Variants in SHISA9 observed in about 807,000 individuals in gnomAD.
SHISA9 encodes the protein shisa family member 9.
SHISA9 carries 13 observed loss-of-function variants against 38.0 expected under a neutral mutation model. The ratio of observed to expected loss-of-function variants is 0.34; its 90% CI spans 0.22 to 0.54. The LOEUF (loss-of-function observed/expected upper bound fraction) is 0.54. Ranked by LOEUF, SHISA9 falls within the 20% of genes least tolerant of loss-of-function variation. SHISA9 has a pLI of 0.91. For missense variants in SHISA9, 538 were observed against 575.8 expected, an observed-to-expected ratio of 0.93 and a Z score of 0.67; for synonymous variants, 275 against 242.0, an observed-to-expected ratio of 1.14 and a Z score of -1.27.
chr16:12,967,422 G>A (rs2071994484), intron 2 of SHISA9, among the ~76,000 whole-genome samples: 1 of 152,064 alleles, frequency 6.6e-6, no homozygotes, highest in Non-Finnish European at 1.5e-5. Flanking sequence ...GGTTGGGGGA[G>A]CGGGGAGGGA....
At chr16:13,539,459 C>A in the SHISA9 span, among the ~76,000 whole-genome samples, 1 of 150,904 alleles carries the variant, frequency 6.6e-6, no homozygotes, top group East Asian at 2.0e-4. Flanking sequence ...TTACAGGTGT[C>A]AACCACTATG....
chr16:12,936,109 C>T (rs151091521), intron 2 of SHISA9, among the ~76,000 whole-genome samples: 155 of 152,172 alleles, frequency 1.0e-3, no homozygotes, highest in South Asian at 3.5e-3. Context: ...GTAGATGCAT[C>T]GTCTGATGTC....
rs1040872914 is a variant in SHISA9, at chr16:13,236,035, T to C, written c.*626T>C. The C allele has an allele frequency of 1.3e-5, 2 of 152,194 alleles. No homozygotes were observed. The highest frequency in any genetic ancestry group is 1.3e-4 in the Admixed American group (2 of 15,260). The allele number at this position is 152,194 out of a possible 1,614,324, so 9.4% of individuals were successfully genotyped here. A position where few individuals can be genotyped will look rare whatever the true frequency, so the allele number is the denominator to read the frequency against. The stretch of plus-strand genomic sequence containing the variant: ...TGGACCCCAACCATTCTATTTATAG[T>C]ACTTTTCATATCATCCATGTTGAAA... On this transcript the variant is annotated 3_prime_UTR_variant, in exon 5 of 5. Coordinates refer to ENST00000558583, the MANE Select transcript of SHISA9 (RefSeq NM_001145204.3).
At chr16:12,965,639 A>G (rs897023819) in intron 2 of SHISA9, among the ~76,000 whole-genome samples, 2 of 152,326 alleles carry the variant, frequency 1.3e-5, no homozygotes, top group East Asian at 1.9e-4. Flanking sequence ...GAGACAATAT[A>G]GAATGGAGTG....
At chr16:13,282,319 T>A in the SHISA9 span, among the ~76,000 whole-genome samples, 1 of 152,012 alleles carries the variant, frequency 6.6e-6, no homozygotes, top group Non-Finnish European at 1.5e-5. Flanking sequence ...ATTCAAGATT[T>A]TTTTGTTATT....
the SHISA9 span, among the ~76,000 whole-genome samples, chr16:13,537,007 C>G: frequency 6.6e-6 from 1 of 152,142 alleles, no homozygotes; most frequent in Non-Finnish European, 1.5e-5. Context: ...TTGAGTCAAG[C>G]TTAACATGTT....
chr16:13,472,920 G>T, the SHISA9 span, among the ~76,000 whole-genome samples: 1 of 152,042 alleles, frequency 6.6e-6, no homozygotes, highest in Non-Finnish European at 1.5e-5. Context: ...TTATAATAAC[G>T]ATTTTAATGT....
intron 2 of SHISA9, among the ~76,000 whole-genome samples, chr16:12,938,381 A>G (rs988833187): frequency 6.6e-6 from 1 of 152,208 alleles, no homozygotes; most frequent in African/African-American, 2.4e-5. Flanking sequence ...TCAGCTCCTT[A>G]TAATCGATCT....
chr16:13,031,139 A>G (rs2141877247), intron 2 of SHISA9, among the ~76,000 whole-genome samples: 1 of 152,100 alleles, frequency 6.6e-6, no homozygotes, highest in East Asian at 1.9e-4. Flanking sequence ...CATGGGTCTT[A>G]CTCTAGGTAT....
chr16:13,204,134 TTATCTATCTATC>T (rs60916250), intron 3 of SHISA9, among the ~76,000 whole-genome samples: 36,437 of 149,248 alleles, frequency 0.24, 4,617 homozygotes, highest in Middle Eastern at 0.36. Flanking sequence ...TAACTACCTA[TTATCTATCTATC>T]TATCTATCTA....
chr16:13,299,710 C>CAA, the SHISA9 span, among the ~76,000 whole-genome samples: 3,016 of 118,236 alleles, frequency 0.026, 60 homozygotes, highest in Middle Eastern at 0.048. Context: ...GAGCCTCTGT[C>CAA]AAAAAAAAAA....
intron 2 of SHISA9, among the ~76,000 whole-genome samples, chr16:13,128,598 C>T (rs1242203302): frequency 6.6e-6 from 1 of 152,142 alleles, no homozygotes. Context: ...TGCCAGACAG[C>T]TGGAAAGAAT....
At chr16:13,126,668 GGA>G (rs375707435) in intron 2 of SHISA9, among the ~76,000 whole-genome samples, 5 of 147,138 alleles carry the variant, frequency 3.4e-5, no homozygotes, top group South Asian at 2.2e-4. Context: ...ACTGAGGAAG[GGA>G]GAGAGAGAGA....
chr16:13,371,665 C>T, the SHISA9 span, among the ~76,000 whole-genome samples: 1 of 152,204 alleles, frequency 6.6e-6, no homozygotes, highest in African/African-American at 2.4e-5. Context: ...TGATGAAGAA[C>T]CTTCCCCTCA....
the SHISA9 span, among the ~76,000 whole-genome samples, chr16:13,474,533 C>T: frequency 6.6e-6 from 1 of 152,188 alleles, no homozygotes; most frequent in Non-Finnish European, 1.5e-5. Flanking sequence ...TAGAACTGTT[C>T]TAGGTACTGT....
intron 2 of SHISA9, among the ~76,000 whole-genome samples, chr16:13,028,809 A>G (rs1240969196): frequency 6.6e-6 from 1 of 152,210 alleles, no homozygotes; most frequent in Non-Finnish European, 1.5e-5. Context: ...CCTTGAATCA[A>G]TCACTGTGTC....
the SHISA9 span, chr16:13,350,607 G>A: frequency 1.3e-5 from 2 of 152,202 alleles, no homozygotes; most frequent in Non-Finnish European, 2.9e-5. Context: ...GCCACGCTTG[G>A]GATCTTCAGG....
At chr16:13,085,311 G>A (rs1048503571) in intron 2 of SHISA9, among the ~76,000 whole-genome samples, 3 of 151,948 alleles carry the variant, frequency 2.0e-5, no homozygotes, top group Non-Finnish European at 4.4e-5. Context: ...TAATTATTAA[G>A]GAAGAGCTAA....
the SHISA9 span, among the ~76,000 whole-genome samples, chr16:13,388,817 A>T: frequency 6.6e-6 from 1 of 152,140 alleles, no homozygotes; most frequent in African/African-American, 2.4e-5. Flanking sequence ...TCTAGAGGAG[A>T]TGGAAAAGAG....
Sources: allele counts gnomAD v4.1 joint callset (sites outside exome capture counted in the v4.1 genomes callset), GRCh38; gene constraint gnomAD v4.1.1; transcripts MANE v1.5; gene names NCBI Gene and HGNC (gene_info 2026-07-23, HGNC 2026-07-21).